Variants in HS6ST3 observed in about 807,000 individuals in gnomAD.
HS6ST3 encodes the protein heparan sulfate 6-O-sulfotransferase 3, also known as heparan-sulfate 6-O-sulfotransferase 3.
HS6ST3 carries 12 observed loss-of-function variants against 36.7 expected under a neutral mutation model. The observed-to-expected ratio is 0.33, with a 90% CI of 0.21 to 0.53. HS6ST3 has a LOEUF of 0.53. HS6ST3 is among the 20% of genes least tolerant of loss of function. The probability of loss-of-function intolerance (pLI) is 0.95; values close to 1 mark genes in which losing one functional copy is unlikely to be tolerated. For missense variants in HS6ST3, 584 were observed against 640.9 expected (o/e 0.91, Z 0.96); for synonymous variants, 240 against 257.5 (o/e 0.93, Z 0.65).
chr13:96,770,071 C>A (rs1172897682), intron 1 of HS6ST3, among the ~76,000 whole-genome samples: 1 of 152,150 alleles, frequency 6.6e-6, no homozygotes, highest in African/African-American at 2.4e-5. Flanking sequence ...ACTGGATAAA[C>A]AACATTATAC....
intron 1 of HS6ST3, among the ~76,000 whole-genome samples, chr13:96,340,196 A>C (rs1168966451): frequency 6.6e-6 from 1 of 152,240 alleles, no homozygotes; most frequent in African/African-American, 2.4e-5. Flanking sequence ...GAAATCAACA[A>C]CATGTCACCC....
At chr13:96,637,015 A>G (rs1443120716) in intron 1 of HS6ST3, among the ~76,000 whole-genome samples, 2 of 152,126 alleles carry the variant, frequency 1.3e-5, no homozygotes, top group African/African-American at 4.8e-5. Flanking sequence ...AAATTTAAAA[A>G]AAAAGAATAC....
rs568006633 is a variant in HS6ST3, at chr13:96,493,417, T to C, written c.708-339073T>C. Among the ~76,000 whole-genome samples the C allele has an allele frequency of 7.2e-5, 11 of 152,314 alleles. No homozygotes were observed. The East Asian group carries it at 1.7e-3, about 24-fold the overall frequency. ...CTACACATATATATCTAAATAATGA[T>C]GATCATTTAGGTTTTAGGAGGTTTT... On this transcript the variant is annotated intron_variant, in intron 1 of 1. Coordinates refer to ENST00000376705, the MANE Select transcript of HS6ST3 (RefSeq NM_153456.4).
intron 1 of HS6ST3, among the ~76,000 whole-genome samples, chr13:96,468,336 G>A (rs4771952): frequency 0.82 from 124,932 of 152,086 alleles, 53,183 homozygotes; most frequent in Non-Finnish European, 0.95. Flanking sequence ...AAGAAATTGG[G>A]TGTCTTTAAA....
At chr13:96,665,175 A>T (rs1488359350) in intron 1 of HS6ST3, among the ~76,000 whole-genome samples, 1 of 152,140 alleles carries the variant, frequency 6.6e-6, no homozygotes, top group Non-Finnish European at 1.5e-5. Flanking sequence ...TCAAAAAGAT[A>T]AAATAAATAA....
At chr13:96,340,550 G>T (rs1594757801) in intron 1 of HS6ST3, among the ~76,000 whole-genome samples, 2 of 152,328 alleles carry the variant, frequency 1.3e-5, no homozygotes, top group East Asian at 3.9e-4. Flanking sequence ...CCCTGATTCT[G>T]ATGGTGATCA....
At chr13:96,405,300 A>C (rs1479153600) in intron 1 of HS6ST3, among the ~76,000 whole-genome samples, 1 of 152,206 alleles carries the variant, frequency 6.6e-6, no homozygotes, top group Non-Finnish European at 1.5e-5. Flanking sequence ...TCATATAGAC[A>C]TGTAAATTTT....
rs754838881 is a variant in HS6ST3, at chr13:96,656,955, T to TTGTG, written c.708-175494_708-175491dup. Among the ~76,000 whole-genome samples the TTGTG allele has an allele frequency of 9.0e-3, 1,105 of 122,214 alleles. 24 individuals are homozygous for TTGTG. The highest frequency in any genetic ancestry group is 0.026 in the African/African-American group (758 of 29,150). The allele number at this position is 122,214 out of a possible 152,430, so 80.2% of individuals were successfully genotyped here. Reference sequence around the variant, plus strand: ...CAGATGGATTACTCTGGCTTTTCTTTTGTGTGTGTGTGTGTGTGTGTGTGT... The same window carrying TTGTG: ...CAGATGGATTACTCTGGCTTTTCTTTTGTGTGTGTGTGTGTGTGTGTGTGTGTGT... On this transcript the variant is annotated intron_variant, in intron 1 of 1. Transcript: ENST00000376705.
At chr13:96,278,466 T>G (rs1188826774) in intron 1 of HS6ST3, among the ~76,000 whole-genome samples, 4 of 152,174 alleles carry the variant, frequency 2.6e-5, no homozygotes, top group Non-Finnish European at 5.9e-5. Context: ...ACTCGGTAAG[T>G]GGCTGATATT....
At chr13:96,596,780 C>T (rs191099257) in intron 1 of HS6ST3, among the ~76,000 whole-genome samples, 80 of 152,204 alleles carry the variant, frequency 5.3e-4, no homozygotes, top group Admixed American at 2.6e-3. Flanking sequence ...GTGGTGATTC[C>T]TCAAAGTCCT....
chr13:96,517,924 C>A (rs935989505), intron 1 of HS6ST3, among the ~76,000 whole-genome samples: 2 of 152,100 alleles, frequency 1.3e-5, no homozygotes, highest in Non-Finnish European at 2.9e-5. Flanking sequence ...TTCATTGCAC[C>A]GCTATTTACT....
intron 1 of HS6ST3, among the ~76,000 whole-genome samples, chr13:96,651,971 T>C (rs1170005006): frequency 6.6e-6 from 1 of 152,066 alleles, no homozygotes; most frequent in East Asian, 1.9e-4. Flanking sequence ...GTTACAGTCA[T>C]GACACATATC....
intron 1 of HS6ST3, among the ~76,000 whole-genome samples, chr13:96,518,407 A>T (rs1357717261): frequency 6.6e-6 from 1 of 152,184 alleles, no homozygotes; most frequent in Non-Finnish European, 1.5e-5. Flanking sequence ...AGTATGTTTA[A>T]TCTCTGTAAT....
At chr13:96,556,268 G>A (rs2056240398) in intron 1 of HS6ST3, among the ~76,000 whole-genome samples, 1 of 152,064 alleles carries the variant, frequency 6.6e-6, no homozygotes, top group South Asian at 2.1e-4. Context: ...ATAAAATATT[G>A]GAATAGCTTT....
intron 1 of HS6ST3, among the ~76,000 whole-genome samples, chr13:96,377,651 A>G (rs926121092): frequency 2.0e-5 from 3 of 152,204 alleles, no homozygotes; most frequent in Admixed American, 6.5e-5. Flanking sequence ...CAAATGATAC[A>G]TTAAGGCACA....
chr13:96,107,032 G>A (rs2053844917), intron 1 of HS6ST3, among the ~76,000 whole-genome samples: 1 of 152,178 alleles, frequency 6.6e-6, no homozygotes, highest in Non-Finnish European at 1.5e-5. Context: ...CAGCACTGGA[G>A]TTTTACCCAG....
intron 1 of HS6ST3, among the ~76,000 whole-genome samples, chr13:96,445,765 G>A (rs1468166980): frequency 6.6e-6 from 1 of 152,060 alleles, no homozygotes; most frequent in Non-Finnish European, 1.5e-5. Flanking sequence ...CAACTCGGGA[G>A]GCTGAGGCAT....
chr13:96,639,805 G>A (rs2056563752), intron 1 of HS6ST3, among the ~76,000 whole-genome samples: 1 of 151,888 alleles, frequency 6.6e-6, no homozygotes, highest in African/African-American at 2.4e-5. Flanking sequence ...GTGGTATTTG[G>A]TATTTGGTTT....
intron 1 of HS6ST3, among the ~76,000 whole-genome samples, chr13:96,715,369 T>C (rs933851499): frequency 5.3e-5 from 8 of 152,236 alleles, no homozygotes; most frequent in African/African-American, 1.9e-4. Context: ...GGTTCTTTAA[T>C]TATGTTTTAC....
Sources: allele counts gnomAD v4.1 joint callset (sites outside exome capture counted in the v4.1 genomes callset), GRCh38; gene constraint gnomAD v4.1.1; transcripts MANE v1.5; gene names NCBI Gene and HGNC (gene_info 2026-07-23, HGNC 2026-07-21).